Variants in GAB1 observed in about 807,000 individuals in gnomAD.
GAB1 encodes the protein GRB2-associated-binding protein 1.
Under a neutral mutation model 66.5 loss-of-function variants are expected in GAB1, and 19 were observed. The observed-to-expected ratio is 0.29, with a 90% confidence interval of 0.20 to 0.42. GAB1 has a LOEUF of 0.42. Among genes scored for constraint, GAB1 ranks in the 10% least tolerant of loss-of-function variants. The probability of loss-of-function intolerance (pLI) is 1.00; values close to 1 mark genes in which losing one functional copy is unlikely to be tolerated. For missense variants in GAB1, 732 were observed against 858.5 expected, an observed-to-expected ratio of 0.85 and a Z score of 1.84; for synonymous variants, 294 against 301.4, an observed-to-expected ratio of 0.98 and a Z score of 0.25.
intron 1 of GAB1, among the ~76,000 whole-genome samples, chr4:143,350,511 A>C (rs1330712045): frequency 5.9e-5 from 9 of 151,950 alleles, no homozygotes; most frequent in African/African-American, 2.2e-4. Flanking sequence ...AACCCCGTCT[A>C]TACTAATAAT....
chr4:143,345,929 C>T (rs555021207), intron 1 of GAB1, among the ~76,000 whole-genome samples: 3 of 152,318 alleles, frequency 2.0e-5, no homozygotes, highest in African/African-American at 7.2e-5. Flanking sequence ...AGGGTCTCTA[C>T]ATTCCCCAGG....
chr4:143,386,204 G>A (rs555110732), intron 1 of GAB1, among the ~76,000 whole-genome samples: 31 of 152,248 alleles, frequency 2.0e-4, no homozygotes, highest in African/African-American at 5.8e-4. Context: ...CTTTCACATG[G>A]CAGTGGAAGA....
At chr4:143,411,063 A>AGAGTGTT (rs1491453291) in intron 1 of GAB1, among the ~76,000 whole-genome samples, 109 of 152,190 alleles carry the variant, frequency 7.2e-4, no homozygotes, top group African/African-American at 2.3e-3. Flanking sequence ...AGGACAGAGC[A>AGAGTGTT]GAGTGTTTGG....
intron 1 of GAB1, among the ~76,000 whole-genome samples, chr4:143,407,118 C>T (rs1560747518): frequency 1.3e-5 from 2 of 152,104 alleles, no homozygotes; most frequent in Admixed American, 1.3e-4. Flanking sequence ...TCCTGTGAAA[C>T]CTTGAAACTA....
At chr4:143,385,897 G>T (rs919387617) in intron 1 of GAB1, among the ~76,000 whole-genome samples, 1 of 152,112 alleles carries the variant, frequency 6.6e-6, no homozygotes, top group Non-Finnish European at 1.5e-5. Context: ...CCCAGCTCTT[G>T]GGGAGGTCAA....
intron 1 of GAB1, among the ~76,000 whole-genome samples, chr4:143,383,016 T>G (rs1730722941): frequency 6.6e-6 from 1 of 152,232 alleles, no homozygotes; most frequent in South Asian, 2.1e-4. Flanking sequence ...TAACAGTTGT[T>G]TTCTGCTGTT....
intron 1 of GAB1, among the ~76,000 whole-genome samples, chr4:143,348,207 A>G (rs908177675): frequency 6.6e-6 from 1 of 152,224 alleles, no homozygotes; most frequent in South Asian, 2.1e-4. Context: ...AAGCTCATCT[A>G]TGGCTCTTAA....
chr4:143,408,091 A>G (rs1732159033), intron 1 of GAB1, among the ~76,000 whole-genome samples: 1 of 152,142 alleles, frequency 6.6e-6, no homozygotes, highest in African/African-American at 2.4e-5. Flanking sequence ...TTTAAAATAA[A>G]GTCGTGACTC....
intron 1 of GAB1, among the ~76,000 whole-genome samples, chr4:143,411,455 G>T (rs746923676): frequency 6.6e-6 from 1 of 152,178 alleles, no homozygotes; most frequent in Non-Finnish European, 1.5e-5. Flanking sequence ...AAGTCTAGTC[G>T]TTAAAATGAT....
chr4:143,343,938 T>C (rs962524921), intron 1 of GAB1, among the ~76,000 whole-genome samples: 1 of 152,206 alleles, frequency 6.6e-6, no homozygotes, highest in African/African-American at 2.4e-5. Flanking sequence ...GATCTAATGT[T>C]CCTCATGGGT....
At chr4:143,399,378 G>A (rs530360731) in intron 1 of GAB1, among the ~76,000 whole-genome samples, 2 of 152,186 alleles carry the variant, frequency 1.3e-5, no homozygotes, top group Non-Finnish European at 2.9e-5. Flanking sequence ...AGGACAAAAG[G>A]GTTTAATAGG....
intron 1 of GAB1, among the ~76,000 whole-genome samples, chr4:143,349,108 T>G (rs997897584): frequency 6.6e-6 from 1 of 152,242 alleles, no homozygotes; most frequent in South Asian, 2.1e-4. Flanking sequence ...CCTCCCATGG[T>G]GGGGCCATGT....
chr4:143,352,123 T>C (rs1165462253), intron 1 of GAB1, among the ~76,000 whole-genome samples: 2 of 152,222 alleles, frequency 1.3e-5, no homozygotes, highest in Non-Finnish European at 2.9e-5. Flanking sequence ...TACTTTGCTC[T>C]CCTAGCTTAG....
rs1436980714 is a variant in GAB1, at chr4:143,473,952, A to G, written c.*4763A>G. The G allele has an allele frequency of 3.3e-5, 5 of 152,150 alleles. No individual in the cohort carries two copies. The highest frequency in any genetic ancestry group is 5.9e-5 in the Non-Finnish European group (4 of 68,026). The allele number at this position is 152,150 out of a possible 1,614,324, so 9.4% of individuals were successfully genotyped here. On this transcript the variant is annotated 3_prime_UTR_variant, in exon 10 of 10. Transcript: ENST00000262994. ...AACCATGAGACTCCTGGGTATTTGC[A>G]TGTAACTTCTTTGAGGAAGTTACCA...
chr4:143,429,948 A>T (rs1733561661), intron 2 of GAB1, among the ~76,000 whole-genome samples: 1 of 152,240 alleles, frequency 6.6e-6, no homozygotes, highest in Non-Finnish European at 1.5e-5. Flanking sequence ...AGCTCAAAAT[A>T]AGTTTCCTTG....
chr4:143,426,968 CT>C (rs1733392349), intron 2 of GAB1, among the ~76,000 whole-genome samples: 1 of 152,176 alleles, frequency 6.6e-6, no homozygotes, highest in African/African-American at 2.4e-5. Context: ...GAACTTTGCT[CT>C]GTAGTTCAGC....
chr4:143,382,670 A>G (rs952726561), intron 1 of GAB1, among the ~76,000 whole-genome samples: 3 of 152,218 alleles, frequency 2.0e-5, no homozygotes, highest in Admixed American at 2.0e-4. Flanking sequence ...CTTTAAAGAA[A>G]GAAGAGACTG....
At chr4:143,447,007 A>C (rs1221935140) in intron 6 of GAB1, among the ~76,000 whole-genome samples, 9 of 152,228 alleles carry the variant, frequency 5.9e-5, no homozygotes, top group Admixed American at 1.3e-4. Context: ...TCAGCTTTCT[A>C]CATGTGGCTA....
chr4:143,349,766 C>G, intron 1 of GAB1: 2 of 1,590,630 alleles, frequency 1.3e-6, no homozygotes, highest in African/African-American at 1.3e-5. Flanking sequence ...TTGTAGTCCC[C>G]GATAGCAACG....
Sources: gnomAD v4.1 joint callset for allele counts (sites outside exome capture counted in the v4.1 genomes callset) on GRCh38, gnomAD v4.1.1 for gene constraint, MANE v1.5 for transcripts, NCBI Gene and HGNC (gene_info 2026-07-23, HGNC 2026-07-21) for gene names.